The following BICD1 variants were observed in gnomAD, a reference collection of about 807,000 sequenced individuals.
The protein encoded by BICD1 is BICD cargo adaptor 1.
A neutral mutation model predicts 92.5 loss-of-function variants in BICD1; 35 were observed. The observed-to-expected ratio is 0.38, with a 90% CI of 0.29 to 0.50. The LOEUF is 0.50. Ranked by LOEUF, BICD1 falls within the 20% of genes least tolerant of loss-of-function variation. The pLI, the probability that BICD1 is intolerant of heterozygous loss-of-function variation, is 0.93. For missense variants in BICD1, 950 were observed against 1,189.8 expected, an observed-to-expected ratio of 0.80 and a Z score of 2.97; for synonymous variants, 429 against 465.1, an observed-to-expected ratio of 0.92 and a Z score of 1.00.
chr12:32,172,778 G>A (rs1018512991), intron 1 of BICD1, among the ~76,000 whole-genome samples: 1 of 152,178 alleles, frequency 6.6e-6, no homozygotes, highest in African/African-American at 2.4e-5. Flanking sequence ...CCAGAACTGG[G>A]GATCCACTGC....
At chr12:32,210,868 A>G (rs960136865) in intron 1 of BICD1, among the ~76,000 whole-genome samples, 3 of 152,246 alleles carry the variant, frequency 2.0e-5, no homozygotes, top group African/African-American at 7.2e-5. Flanking sequence ...ATGCAGCTTC[A>G]GTAACCTTGA....
At chr12:32,184,574 C>A (rs561776117) in intron 1 of BICD1, among the ~76,000 whole-genome samples, 1 of 152,206 alleles carries the variant, frequency 6.6e-6, no homozygotes, top group East Asian at 1.9e-4. Flanking sequence ...TGTGAGCCAC[C>A]GCGCCCGGCC....
chr12:32,138,765 G>A (rs1174585566), intron 1 of BICD1, among the ~76,000 whole-genome samples: 2 of 152,044 alleles, frequency 1.3e-5, no homozygotes, highest in East Asian at 1.9e-4. Flanking sequence ...ATGTATTTTT[G>A]ACTTATGATA....
At chr12:32,302,627 G>T (rs1009235430) in intron 3 of BICD1, among the ~76,000 whole-genome samples, 5 of 152,150 alleles carry the variant, frequency 3.3e-5, no homozygotes, top group Non-Finnish European at 5.9e-5. Context: ...TTTCTCCCAT[G>T]AAGTACTCAT....
Position 32,377,625 on chromosome 12 carries a change from T to G in BICD1, c.2926T>G (p.Ter976GluextTer71). 6.2e-7 allele frequency: 1 copy of G among 1,611,590 alleles called. No homozygotes were observed. Among genetic ancestry groups the G allele is most frequent in the Non-Finnish European group, 8.5e-7 (1 of 1,177,756 alleles). Reference protein sequence around the residue: ...LHCLSKPPHP* With the variant: ...LHCLSKPPHPE ...CTGTCTCTCCAAGCCTCCTCACCCC[T>G]AGTCTTCATCTCCTGTGGACGAACA... The change falls in exon 10 of 10, where the codon TAG becomes GAG. Residue 976 changes from the stop codon to glutamate, a stop_lost. Transcript: ENST00000652176.
intron 8 of BICD1, among the ~76,000 whole-genome samples, chr12:32,346,657 T>TATATAA: frequency 6.8e-5 from 1 of 14,790 alleles, no homozygotes; most frequent in Non-Finnish European, 1.4e-4. Context: ...TATATATATA[T>TATATAA]ACACACACAC....
intron 1 of BICD1, among the ~76,000 whole-genome samples, chr12:32,126,492 C>G (rs961839844): frequency 6.6e-6 from 1 of 151,896 alleles, no homozygotes; most frequent in Non-Finnish European, 1.5e-5. Flanking sequence ...TATGGTGGCT[C>G]ACACCTGTAA....
chr12:32,340,807 T>G (rs1938338190), intron 8 of BICD1: 1 of 153,968 alleles, frequency 6.5e-6, no homozygotes, highest in Admixed American at 6.5e-5. Context: ...ACTACTTCTC[T>G]TCTTGTCCAC....
At chr12:32,247,742 G>A (rs1380506478) in intron 2 of BICD1, among the ~76,000 whole-genome samples, 3 of 151,752 alleles carry the variant, frequency 2.0e-5, no homozygotes, top group South Asian at 2.1e-4. Flanking sequence ...GCAGTGAGCC[G>A]AGATTGCACC....
chr12:32,230,049 G>A (rs926578124), intron 2 of BICD1, among the ~76,000 whole-genome samples: 1 of 152,180 alleles, frequency 6.6e-6, no homozygotes, highest in African/African-American at 2.4e-5. Context: ...GTAGATAGAT[G>A]TGAGTGAAGC....
intron 2 of BICD1, among the ~76,000 whole-genome samples, chr12:32,277,205 C>G (rs910257130): frequency 6.6e-6 from 1 of 152,094 alleles, no homozygotes; most frequent in African/African-American, 2.4e-5. Context: ...ACCAGCCTGG[C>G]CAATCTGTTG....
At chr12:32,261,820 G>C (rs1432224561) in intron 2 of BICD1, among the ~76,000 whole-genome samples, 1 of 152,190 alleles carries the variant, frequency 6.6e-6, no homozygotes, top group African/African-American at 2.4e-5. Flanking sequence ...CCAGTTAGGG[G>C]GCAGCAGAGA....
At chr12:32,117,058 T>C (rs574280011) in intron 1 of BICD1, among the ~76,000 whole-genome samples, 15 of 152,310 alleles carry the variant, frequency 9.8e-5, no homozygotes, top group Admixed American at 3.3e-4. Flanking sequence ...AACAAGGCCC[T>C]GTGAGTCACT....
Position 32,331,190 on chromosome 12 carries a change from T to C in BICD1, c.2100+2635T>C, listed in dbSNP as rs377021651. ...AAACAGAGGTATAGATAAGGACACT[T>C]GGCCAACCAACAGAGACTAATTTGT... is the stretch of plus-strand genomic sequence containing the variant. On this transcript the variant is annotated intron_variant, in intron 5 of 9. Coordinates refer to ENST00000652176, the MANE Select transcript of BICD1 (RefSeq NM_001714.4). 1.3e-3 allele frequency among the ~76,000 whole-genome samples: 201 copies of C among 152,194 alleles called. 1 individual carries two copies. The highest frequency in any genetic ancestry group is 3.4e-3 in the Middle Eastern group (1 of 292).
At chr12:32,124,698 C>T (rs1032529898) in intron 1 of BICD1, among the ~76,000 whole-genome samples, 6 of 152,000 alleles carry the variant, frequency 3.9e-5, no homozygotes, top group South Asian at 2.1e-4. Flanking sequence ...AGGGATTTTC[C>T]GGGGAGAGAA....
chr12:32,329,673 T>C (rs1200389611), intron 5 of BICD1, among the ~76,000 whole-genome samples: 1 of 152,206 alleles, frequency 6.6e-6, no homozygotes, highest in Non-Finnish European at 1.5e-5. Flanking sequence ...ATTTGGGATG[T>C]TAACCCACCT....
intron 2 of BICD1, among the ~76,000 whole-genome samples, chr12:32,270,134 A>AT: frequency 7.8e-6 from 1 of 128,762 alleles, no homozygotes; most frequent in Non-Finnish European, 1.6e-5. Flanking sequence ...AAAAAAAAAA[A>AT]AATTATTATT....
intron 8 of BICD1, among the ~76,000 whole-genome samples, chr12:32,360,045 C>T (rs1042480156): frequency 9.9e-5 from 15 of 152,056 alleles, no homozygotes; most frequent in African/African-American, 2.2e-4. Context: ...ATTAGCCAGG[C>T]GTGGTGGTGG....
At chr12:32,293,274 A>G (rs538490104) in intron 2 of BICD1, among the ~76,000 whole-genome samples, 17 of 152,278 alleles carry the variant, frequency 1.1e-4, no homozygotes, top group African/African-American at 4.1e-4. Context: ...TTAATAATAT[A>G]TTGTGACTAC....
Sources: gnomAD v4.1 joint callset for allele counts (sites outside exome capture counted in the v4.1 genomes callset) on GRCh38, gnomAD v4.1.1 for gene constraint, MANE v1.5 for transcripts, NCBI Gene and HGNC (gene_info 2026-07-23, HGNC 2026-07-21) for gene names.